CD2AP: variants seen among roughly 807,000 people sequenced by gnomAD.
CD2AP encodes CD2-associated protein.
In CD2AP, 46 loss-of-function variants were observed where a neutral mutation model predicts 85.1. The ratio of observed to expected loss-of-function variants is 0.54; its 90% CI spans 0.43 to 0.69. The LOEUF (loss-of-function observed/expected upper bound fraction) is 0.69. CD2AP is among the 30% of genes least tolerant of loss of function. The probability of loss-of-function intolerance (pLI) is 0.00; values close to 1 mark genes in which losing one functional copy is unlikely to be tolerated. For synonymous variants in CD2AP, 255 were observed against 252.9 expected (o/e 1.01, Z -0.08); for missense variants, 769 against 729.5 (o/e 1.05, Z -0.62).
chr6:47,556,582 C>G (rs1249867275), intron 5 of CD2AP, among the ~76,000 whole-genome samples: 4 of 151,750 alleles, frequency 2.6e-5, no homozygotes, highest in Non-Finnish European at 5.9e-5. Context: ...CCCCCGACCT[C>G]AGGTGATCCA....
rs935899240 is a variant in CD2AP, at chr6:47,533,606, T to G, written c.170T>G (p.Ile57Ser). The G allele has an allele frequency of 6.2e-7, 1 of 1,613,508 alleles. No individual in the cohort carries two copies. The highest frequency in any genetic ancestry group is 1.3e-5 in the African/African-American group (1 of 74,872). Residue 57 changes from isoleucine (I) to serine (S), a missense_variant, in exon 3 of 18, where the codon ATT (isoleucine) becomes AGT (serine). By Grantham distance (142) the Ile-to-Ser change is moderately radical (BLOSUM62 -2). Coordinates refer to ENST00000359314, the MANE Select transcript of CD2AP (RefSeq NM_012120.3). ...GMFPDNFVKEIKRETEFKDDS... is the reference protein window; with the variant it reads ...GMFPDNFVKESKRETEFKDDS... Reference sequence around the variant, plus strand: ...TATTTATTTTCCCTTTTGTAGGAAATTAAAAGAGAGACGGAATTCAAGGAT... The same window carrying G: ...TATTTATTTTCCCTTTTGTAGGAAAGTAAAAGAGAGACGGAATTCAAGGAT...
At chr6:47,591,944 C>A (rs1417254494) in intron 11 of CD2AP, among the ~76,000 whole-genome samples, 2 of 152,040 alleles carry the variant, frequency 1.3e-5, no homozygotes, top group Non-Finnish European at 2.9e-5. Context: ...CTCACCTCGG[C>A]CTCCAGAGTA....
intron 1 of CD2AP, among the ~76,000 whole-genome samples, chr6:47,482,178 A>G (rs1561997114): frequency 1.3e-5 from 2 of 152,216 alleles, no homozygotes; most frequent in Non-Finnish European, 2.9e-5. Context: ...AAACAATATT[A>G]GGAAATTTTT....
intron 3 of CD2AP, among the ~76,000 whole-genome samples, chr6:47,536,355 A>T (rs768824467): frequency 3.9e-5 from 6 of 152,030 alleles, no homozygotes; most frequent in Non-Finnish European, 7.4e-5. Context: ...ATATTAATTT[A>T]AAAAAACCCA....
At chr6:47,495,299 G>T (rs1276741884) in intron 1 of CD2AP, among the ~76,000 whole-genome samples, 1 of 152,146 alleles carries the variant, frequency 6.6e-6, no homozygotes, top group African/African-American at 2.4e-5. Context: ...CGTAACAGTG[G>T]AACAGTCACG....
At chr6:47,572,014 C>T (rs1768170155) in intron 5 of CD2AP, among the ~76,000 whole-genome samples, 1 of 152,142 alleles carries the variant, frequency 6.6e-6, no homozygotes, top group Non-Finnish European at 1.5e-5. Flanking sequence ...CAGGGGCTCT[C>T]TGGCACATAC....
intron 9 of CD2AP, among the ~76,000 whole-genome samples, chr6:47,580,466 CAA>C (rs34686999): frequency 6.7e-5 from 10 of 149,422 alleles, no homozygotes; most frequent in Non-Finnish European, 1.2e-4. Flanking sequence ...ACAAAACAAA[CAA>C]AAAAAAAAAC....
At chr6:47,491,260 T>C (rs1429656434) in intron 1 of CD2AP, among the ~76,000 whole-genome samples, 3 of 114,370 alleles carry the variant, frequency 2.6e-5, no homozygotes, top group African/African-American at 1.0e-4. Flanking sequence ...CTTCCTGATA[T>C]GTGTGTGTGT....
chr6:47,597,897 GCAGTGGGCCCCACCCACC>G (rs1427250385), intron 12 of CD2AP, among the ~76,000 whole-genome samples: 1 of 150,798 alleles, frequency 6.6e-6, no homozygotes, highest in Non-Finnish European at 1.5e-5. Flanking sequence ...ACTCCAGGGT[GCAGTGGGCCCCACCCACC>G]CAGGACAGTG....
In CD2AP at chr6:47,479,045, A is replaced by G. The variant is rs148672857; in HGVS notation, c.4+797A>G. Among the ~76,000 whole-genome samples, 67 of 152,326 alleles carry G rather than the reference A, an allele frequency of 4.4e-4. No individual in the cohort carries two copies. The East Asian group carries it at 0.012, about 26-fold the overall frequency. On this transcript the variant is annotated intron_variant, in intron 1 of 17. Transcript: ENST00000359314. The stretch of plus-strand genomic sequence containing the variant: ...AGGAGTTTTGTTAAGTGGTGTAACA[A>G]TTTCTTTTGATAACAAAGTTCGGTG...
At chr6:47,528,825 T>A (rs1420365845) in intron 2 of CD2AP, among the ~76,000 whole-genome samples, 3 of 152,190 alleles carry the variant, frequency 2.0e-5, no homozygotes. Flanking sequence ...TTTTTTTGGA[T>A]CTTTTGCCCA....
chr6:47,508,589 A>G (rs1330389763), intron 2 of CD2AP, among the ~76,000 whole-genome samples: 4 of 129,704 alleles, frequency 3.1e-5, no homozygotes, highest in Non-Finnish European at 6.2e-5. Flanking sequence ...TCTGTTGCCC[A>G]GGGTGGAGTG....
intron 11 of CD2AP, among the ~76,000 whole-genome samples, chr6:47,585,008 T>G (rs1214842477): frequency 6.6e-6 from 1 of 151,964 alleles, no homozygotes; most frequent in Non-Finnish European, 1.5e-5. Flanking sequence ...ATAAATAAAT[T>G]GGAGGCCGGG....
At chr6:47,618,585 T>C (rs566312987) in intron 17 of CD2AP, among the ~76,000 whole-genome samples, 3 of 152,234 alleles carry the variant, frequency 2.0e-5, no homozygotes, top group Non-Finnish European at 4.4e-5. Context: ...ATTCGCAGCA[T>C]GTAATGTAGA....
intron 1 of CD2AP, among the ~76,000 whole-genome samples, chr6:47,481,182 G>C (rs546458195): frequency 4.9e-4 from 75 of 152,244 alleles, no homozygotes; most frequent in African/African-American, 1.7e-3. Context: ...AGCATTTCTA[G>C]AGCACAAAAA....
At position 47,627,116 on chromosome 6, in the gene CD2AP, A is replaced by G. The variant is rs1338471047; in HGVS notation, c.*2889A>G. ...AAGCATGCTTCTCTCTCAAAAAGAAAAATTAAAGGATTTTATTGCCAGTCG... is the reference window on the plus strand; with the variant it reads ...AAGCATGCTTCTCTCTCAAAAAGAAGAATTAAAGGATTTTATTGCCAGTCG... On this transcript the variant is annotated 3_prime_UTR_variant, in exon 18 of 18. Coordinates refer to ENST00000359314, the MANE Select transcript of CD2AP (RefSeq NM_012120.3). 6.6e-6 allele frequency: 1 copy of G among 152,428 alleles called. No homozygotes were observed. Among genetic ancestry groups the G allele is most frequent in the Non-Finnish European group, 1.5e-5 (1 of 67,910 alleles). The allele number at this position is 152,428 out of a possible 1,614,324, so 9.4% of individuals were successfully genotyped here.
At chr6:47,621,134 G>A (rs1440565011) in intron 17 of CD2AP, among the ~76,000 whole-genome samples, 3 of 152,144 alleles carry the variant, frequency 2.0e-5, no homozygotes, top group African/African-American at 7.2e-5. Context: ...TTCTCAGAGG[G>A]AATGCTTTCA....
At position 47,616,257 on chromosome 6, in the gene CD2AP, A is replaced by G. The variant is rs1190892686; in HGVS notation, c.1878+3721A>G. Among the ~76,000 whole-genome samples the G allele has an allele frequency of 4.6e-5, 7 of 150,934 alleles. No homozygotes were observed. In the East Asian group the frequency reaches 1.4e-3, roughly 30 times the overall value. Reference sequence around the variant, plus strand: ...TAGGCACGTGCCACCATACCCAGCTAATTTTTTTGTATTTTTAACAGAGAT... The same window carrying G: ...TAGGCACGTGCCACCATACCCAGCTGATTTTTTTGTATTTTTAACAGAGAT... On this transcript the variant is annotated intron_variant, in intron 17 of 17. Coordinates refer to ENST00000359314, the MANE Select transcript of CD2AP (RefSeq NM_012120.3).
chr6:47,553,188 T>C (rs1014263045), intron 4 of CD2AP, among the ~76,000 whole-genome samples: 3 of 152,296 alleles, frequency 2.0e-5, no homozygotes, highest in Non-Finnish European at 2.9e-5. Flanking sequence ...CTAACACATA[T>C]TGGCTGTTAG....
Sources: gnomAD v4.1 joint callset for allele counts (sites outside exome capture counted in the v4.1 genomes callset) on GRCh38, gnomAD v4.1.1 for gene constraint, MANE v1.5 for transcripts, NCBI Gene and HGNC (gene_info 2026-07-23, HGNC 2026-07-21) for gene names.